PCDHGB1: variants seen among roughly 807,000 people sequenced by gnomAD.
PCDHGB1 encodes the protein protocadherin gamma-B1.
PCDHGB1 carries 34 observed loss-of-function variants against 56.6 expected under a neutral mutation model. That is an observed-to-expected ratio of 0.60 (90% CI 0.46 to 0.80). PCDHGB1 has a LOEUF of 0.80. Ranked by LOEUF, PCDHGB1 falls within the 30% of genes least tolerant of loss-of-function variation. PCDHGB1 has a pLI of 0.00. For missense variants in PCDHGB1, 1,278 were observed against 1,204.6 expected, an observed-to-expected ratio of 1.06 and a Z score of -0.90; for synonymous variants, 561 against 505.9, an observed-to-expected ratio of 1.11 and a Z score of -1.46.
At chr5:141,367,311 G>C (rs1390904308) in intron 1 of PCDHGB1, 1 of 152,666 alleles carries the variant, frequency 6.6e-6, no homozygotes. Flanking sequence ...GGCTGAGGTG[G>C]GCGGATCACG....
Position 141,476,852 on chromosome 5 carries a change from C to T in PCDHGB1, c.2410-17955C>T. 6.2e-7 allele frequency: 1 copy of T among 1,613,828 alleles called. No homozygotes were observed. Among genetic ancestry groups the T allele is most frequent in the Non-Finnish European group, 8.5e-7 (1 of 1,180,044 alleles). ...GAATGACAATGCGCCTGTCTTCAAC[C>T]AGTCCTTGTACCGGGCGCGCGTCCT... On this transcript the variant is annotated intron_variant, in intron 1 of 3. Coordinates refer to ENST00000523390, the MANE Select transcript of PCDHGB1 (RefSeq NM_018922.3). This position sits in a 1 kb window ranked among gnomAD's most constrained non-coding sequence, Gnocchi z 7.6.
At position 141,405,308 on chromosome 5, in the gene PCDHGB1, GA is replaced by G. The variant is rs776065617; in HGVS notation, c.2409+52640del. 15 of 1,614,096 alleles carry G rather than the reference GA, an allele frequency of 9.3e-6. No individual in the cohort carries two copies. The African/African-American group carries it at 1.9e-4, about 20-fold the overall frequency. On this transcript the variant is annotated intron_variant, in intron 1 of 3. Transcript: ENST00000523390. The stretch of plus-strand genomic sequence containing the variant: ...CACACTCATCAGCCAGCAGAGCTGT[GA>G]GAAAAATGAGCCTTTGTGCGTCTCT...
rs1297213443 is a variant in PCDHGB1 at position 141,384,466 on chromosome 5, G to A, written c.2409+31797G>A. Reference sequence around the variant, plus strand: ...GTACGCGCTGCAATCCTTTGATTATGAGCAGTTGAGAGAACTACAACTAAG... The same window carrying A: ...GTACGCGCTGCAATCCTTTGATTATAAGCAGTTGAGAGAACTACAACTAAG... On this transcript the variant is annotated intron_variant, in intron 1 of 3. Coordinates refer to ENST00000523390, the MANE Select transcript of PCDHGB1 (RefSeq NM_018922.3). 3 of 1,613,996 alleles carry A rather than the reference G, an allele frequency of 1.9e-6. No individual in the cohort carries two copies. The African/African-American group carries it at 4.0e-5, about 22-fold the overall frequency.
Position 141,432,046 on chromosome 5 carries a change from C to G in PCDHGB1, c.2410-62761C>G, listed in dbSNP as rs1389286417. The G allele has an allele frequency of 6.2e-7, 1 of 1,614,224 alleles. No individual in the cohort carries two copies. The highest frequency in any genetic ancestry group is 2.2e-5 in the East Asian group (1 of 44,886). The stretch of plus-strand genomic sequence containing the variant: ...CAGTGACCGCCACTGACCGGGGAAC[C>G]CCGCCCCTATCCACGGAAACTCATA... On this transcript the variant is annotated intron_variant, in intron 1 of 3. Coordinates refer to ENST00000523390, the MANE Select transcript of PCDHGB1 (RefSeq NM_018922.3). This position sits in a 1 kb window ranked among gnomAD's most constrained non-coding sequence, Gnocchi z 6.0.
intron 1 of PCDHGB1, among the ~76,000 whole-genome samples, chr5:141,449,342 C>T (rs895923034): frequency 3.3e-5 from 5 of 151,854 alleles, no homozygotes; most frequent in Non-Finnish European, 5.9e-5. Context: ...TGCAGTGGCT[C>T]ACTCCTGTAA....
Position 141,404,436 on chromosome 5 carries a change from C to T in PCDHGB1, c.2409+51767C>T. On this transcript the variant is annotated intron_variant, in intron 1 of 3. Transcript: ENST00000523390. Reference sequence around the variant, plus strand: ...GTTATTTACTCCTTGGCAGAGGATACCATCCAAGGGTCTCCTCTCTCCACC... The same window carrying T: ...GTTATTTACTCCTTGGCAGAGGATATCATCCAAGGGTCTCCTCTCTCCACC... 1.9e-6 allele frequency: 3 copies of T among 1,612,706 alleles called. No individual in the cohort carries two copies. In the East Asian group the frequency reaches 6.7e-5, roughly 36 times the overall value.
chr5:141,379,773 T>C (rs575153200), intron 1 of PCDHGB1: 2 of 152,144 alleles, frequency 1.3e-5, no homozygotes, highest in South Asian at 2.1e-4. Flanking sequence ...ATACAGATCA[T>C]TAATAATAAG....
At chr5:141,408,019 A>G (rs1589652051) in intron 1 of PCDHGB1, 1 of 1,031,592 alleles carries the variant, frequency 9.7e-7, no homozygotes, top group Admixed American at 3.2e-5. Context: ...GCAGCCAACA[A>G]CAGAAAGAAG....
chr5:141,448,756 C>T (rs938202200), intron 1 of PCDHGB1, among the ~76,000 whole-genome samples: 1 of 151,742 alleles, frequency 6.6e-6, no homozygotes, highest in African/African-American at 2.4e-5. Context: ...CTGGCTAACA[C>T]GGTGAAACCC....
At chr5:141,500,455 C>T (rs1254764658) in intron 2 of PCDHGB1, among the ~76,000 whole-genome samples, 4 of 151,986 alleles carry the variant, frequency 2.6e-5, no homozygotes, top group Non-Finnish European at 5.9e-5. Context: ...GTGATCCGCC[C>T]GCCTCGGCCT....
chr5:141,478,604 T>C (rs1425759709), intron 1 of PCDHGB1: 2 of 1,562,580 alleles, frequency 1.3e-6, no homozygotes, highest in South Asian at 2.3e-5. Context: ...CTACATCATA[T>C]TGAGGAAGGA....
chr5:141,421,109 T>C (rs2096547097), intron 1 of PCDHGB1: 2 of 715,670 alleles, frequency 2.8e-6, no homozygotes, highest in East Asian at 2.8e-5. Flanking sequence ...GACTTAGAAG[T>C]ATTTTCCTTC....
chr5:141,414,161 G>A (rs960511656), intron 1 of PCDHGB1: 1 of 1,603,276 alleles, frequency 6.2e-7, no homozygotes, highest in Non-Finnish European at 8.5e-7. Flanking sequence ...GAAGATGGAG[G>A]AGCATATCTT....
At chr5:141,420,458 CAA>C (rs1269245240) in intron 1 of PCDHGB1, 1 of 925,076 alleles carries the variant, frequency 1.1e-6, no homozygotes, top group Non-Finnish European at 1.5e-6. Context: ...TCCTACTATT[CAA>C]AGACATTTTA....
At chr5:141,405,938 G>A (rs1249578216) in intron 1 of PCDHGB1, among the ~76,000 whole-genome samples, 2 of 152,114 alleles carry the variant, frequency 1.3e-5, no homozygotes, top group Non-Finnish European at 2.9e-5. Flanking sequence ...TAACTTTCAT[G>A]TTCTCATAAT....
chr5:141,374,827 T>G, intron 1 of PCDHGB1: 1 of 1,613,964 alleles, frequency 6.2e-7, no homozygotes, highest in Non-Finnish European at 8.5e-7. Flanking sequence ...CTGTCTACCG[T>G]GTAAGTGTTC....
chr5:141,431,921 G>C lies in PCDHGB1; in HGVS notation c.2410-62886G>C, dbSNP rs775520324. ...CGGACAGGTGATCTGTTTCATCCAA[G>C]GAAATCTGCCCTTTAAATTAGAAAA... On this transcript the variant is annotated intron_variant, in intron 1 of 3. Transcript: ENST00000523390. This position sits in a 1 kb window ranked among gnomAD's most constrained non-coding sequence, Gnocchi z 4.8. 8.7e-6 allele frequency: 14 copies of C among 1,614,024 alleles called. No individual in the cohort carries two copies. Among genetic ancestry groups the C allele is most frequent in the Non-Finnish European group, 1.2e-5 (14 of 1,179,998 alleles).
rs1003354716 is a variant in PCDHGB1 at position 141,351,193 on chromosome 5, T to C, written c.933T>C (p.Tyr311=). 1.2e-6 allele frequency: 2 copies of C among 1,614,034 alleles called. No homozygotes were observed. The highest frequency in any genetic ancestry group is 1.1e-5 in the South Asian group (1 of 91,088). The change falls in exon 1 of 4, where the codon TAT becomes TAC. Residue 311 remains tyrosine (Y), a synonymous_variant. Transcript: ENST00000523390. ...TGGATTTTGAAGAGACAAGTAGATA[T>C]GTGTTGAGTGTGGAAGCTAAGGATG... ...GTLDFEETSR[Y]VLSVEAKDGG... is the part of the protein sequence containing the mutation.
rs770249472 is a variant in PCDHGB1, at chr5:141,477,747, C to T, written c.2410-17060C>T. On this transcript the variant is annotated intron_variant, in intron 1 of 3. Transcript: ENST00000523390. The surrounding 1 kb of genome is among the most constrained non-coding windows in gnomAD (Gnocchi z 4.9). ...ACAGCTCATATCAGCGATGGGGGCA[C>T]CCCGGTCCTAGCCACCAACATCAGC... 6.2e-7 allele frequency: 1 copy of T among 1,613,840 alleles called. No individual in the cohort carries two copies. The highest frequency in any genetic ancestry group is 1.7e-5 in the Admixed American group (1 of 60,026).
Sources: gnomAD v4.1 joint callset for allele counts (sites outside exome capture counted in the v4.1 genomes callset) on GRCh38, gnomAD v4.1.1 for gene constraint, Gnocchi (gnomAD v3.1) non-coding constraint, MANE v1.5 for transcripts, NCBI Gene and HGNC (gene_info 2026-07-23, HGNC 2026-07-21) for gene names.